ZNF644: variants seen among roughly 807,000 people sequenced by gnomAD.
ZNF644 encodes zinc finger motif enhancer binding protein 2.
ZNF644 carries 20 observed loss-of-function variants against 108.0 expected under a neutral mutation model. That is an observed-to-expected ratio of 0.19 (90% CI 0.13 to 0.27). The LOEUF is 0.27. Ranked by LOEUF, ZNF644 falls within the 10% of genes least tolerant of loss-of-function variation. The pLI, the probability that ZNF644 is intolerant of heterozygous loss-of-function variation, is 1.00. For missense variants in ZNF644, 1,338 were observed against 1,548.9 expected (o/e 0.86, Z 2.29); for synonymous variants, 542 against 539.1 (o/e 1.01, Z -0.08).
chr1:90,965,129 T>C (rs571729413), intron 2 of ZNF644, among the ~76,000 whole-genome samples: 1 of 152,288 alleles, frequency 6.6e-6, no homozygotes, highest in South Asian at 2.1e-4. Context: ...GAAAAAGCTA[T>C]ACTGGATCTG....
intron 1 of ZNF644, among the ~76,000 whole-genome samples, chr1:91,017,621 T>C (rs1660541044): frequency 6.6e-6 from 1 of 152,214 alleles, no homozygotes; most frequent in Non-Finnish European, 1.5e-5. Flanking sequence ...AATAAAAATA[T>C]ACTAACTTTC....
At chr1:90,977,510 C>T (rs1036544404) in intron 2 of ZNF644, among the ~76,000 whole-genome samples, 5 of 152,150 alleles carry the variant, frequency 3.3e-5, no homozygotes, top group Non-Finnish European at 5.9e-5. Context: ...ATATTTCAAA[C>T]CTTTGAGCAC....
intron 1 of ZNF644, among the ~76,000 whole-genome samples, chr1:91,012,672 C>T (rs1461230193): frequency 6.6e-6 from 1 of 152,084 alleles, no homozygotes; most frequent in Non-Finnish European, 1.5e-5. Flanking sequence ...GCTCTAATCA[C>T]GGAAAATGCT....
intron 2 of ZNF644, among the ~76,000 whole-genome samples, chr1:90,971,926 T>A (rs538391168): frequency 2.6e-5 from 4 of 152,270 alleles, no homozygotes; most frequent in Non-Finnish European, 4.4e-5. Context: ...TATATTCTTA[T>A]ATTATTCCGT....
intron 1 of ZNF644, among the ~76,000 whole-genome samples, chr1:90,983,806 A>G (rs910434232): frequency 1.3e-5 from 2 of 152,208 alleles, no homozygotes; most frequent in East Asian, 1.9e-4. Flanking sequence ...ACGCGCCCGT[A>G]GTCCCAACTA....
chr1:90,981,099 T>C (rs554500687), intron 2 of ZNF644, among the ~76,000 whole-genome samples: 8 of 152,240 alleles, frequency 5.3e-5, no homozygotes, highest in African/African-American at 1.7e-4. Flanking sequence ...ACACTGTATA[T>C]TCAACTAGAA....
intron 1 of ZNF644, 39 bp downstream of exon 1, chr1:91,021,951 G>A (rs1660979296): frequency 5.0e-6 from 2 of 398,728 alleles, no homozygotes; most frequent in African/African-American, 2.1e-5. Context: ...AACCCACTCG[G>A]GTCCCAGCGA....
chr1:90,994,965 T>TA (rs1055292517), intron 1 of ZNF644, among the ~76,000 whole-genome samples: 1 of 151,626 alleles, frequency 6.6e-6, no homozygotes, highest in Non-Finnish European at 1.5e-5. Context: ...CTATCTACCT[T>TA]AAAAAAAAGA....
chr1:90,960,285 A>G (rs960014062), intron 2 of ZNF644, among the ~76,000 whole-genome samples: 1 of 152,182 alleles, frequency 6.6e-6, no homozygotes, highest in Admixed American at 6.6e-5. Flanking sequence ...GGTAAGAAGG[A>G]AAAAGAAATT....
rs1651448924 is a variant in ZNF644 at position 90,937,486 on chromosome 1, T to G, written c.3687A>C (p.Ser1229=). ...GCATAGTCATAAACGTCCTCTTACC[T>G]GAGTGCATAGTCAAGTCCATTTTTT... ...QPQKMDLTMH[S]ALDCKQKKSR... Residue 1229 remains serine, a splice_region_variant and synonymous_variant, in exon 4 of 6, where the codon TCA becomes TCC. Transcript: ENST00000337393. 1 of 1,613,732 alleles carries G rather than the reference T, an allele frequency of 6.2e-7. No homozygotes were observed. The highest frequency in any genetic ancestry group is 8.5e-7 in the Non-Finnish European group (1 of 1,179,658).
In ZNF644 at chr1:90,972,050, C is replaced by T. The variant is rs553380820; in HGVS notation, c.44+10260G>A. On this transcript the variant is annotated intron_variant, in intron 2 of 5. Coordinates refer to ENST00000337393, the MANE Select transcript of ZNF644 (RefSeq NM_201269.3). ...CATGACAATCACTTGAATCCAGAGG[C>T]AGAGGTTGCAGTGAACCAAGTCATT... 2.6e-5 allele frequency among the ~76,000 whole-genome samples: 4 copies of T among 152,210 alleles called. No homozygotes were observed. The East Asian group carries it at 5.8e-4, about 22-fold the overall frequency.
rs1040984575 is a variant in ZNF644 at position 90,915,717 on chromosome 1, C to T, written c.*1081G>A. 4 of 152,630 alleles carry T rather than the reference C, an allele frequency of 2.6e-5. No homozygotes were observed. The highest frequency in any genetic ancestry group is 3.4e-3 in the Middle Eastern group (1 of 294). The allele number at this position is 152,630 out of a possible 1,614,324, so 9.5% of individuals were successfully genotyped here. ...CATGAGCATAGTGTTACACGATTTT[C>T]GTACATATAATCACATCCAAAACAA... On this transcript the variant is annotated 3_prime_UTR_variant, in exon 6 of 6. Coordinates refer to ENST00000337393, the MANE Select transcript of ZNF644 (RefSeq NM_201269.3).
intron 2 of ZNF644, among the ~76,000 whole-genome samples, chr1:90,977,757 G>A (rs1010542236): frequency 3.3e-5 from 5 of 152,058 alleles, no homozygotes; most frequent in Non-Finnish European, 7.4e-5. Flanking sequence ...ACACACTCCC[G>A]TTAATACCAT....
In ZNF644 at chr1:90,938,579, T is replaced by C. The variant is rs533149444; in HGVS notation, c.2775A>G (p.Gly925=). Residue 925 remains glycine, a synonymous_variant, in exon 3 of 6, where the codon GGA becomes GGG. Coordinates refer to ENST00000337393, the MANE Select transcript of ZNF644 (RefSeq NM_201269.3). The surrounding 1 kb of genome is among the most constrained non-coding windows in gnomAD (Gnocchi z 4.2). ...GFYFEYYEDT[G]SNNFLHEIHD... ...GTATCTCATGCAAAAAGTTGTTACT[T>C]CCAGTATCTTCATAGTATTCAAAAT... is the stretch of plus-strand genomic sequence containing the variant. The C allele has an allele frequency of 6.2e-7, 1 of 1,613,870 alleles. No homozygotes were observed. Among genetic ancestry groups the C allele is most frequent in the African/African-American group, 1.3e-5 (1 of 75,020 alleles).
chr1:90,987,266 TTA>T (rs1491232606), intron 1 of ZNF644, among the ~76,000 whole-genome samples: 24 of 128,564 alleles, frequency 1.9e-4, no homozygotes, highest in African/African-American at 4.5e-4. Flanking sequence ...TTTTTTTTTT[TTA>T]AAAAAAGATC....
chr1:90,982,411 T>C, intron 1 of ZNF644, 41 bp from the exon 2 acceptor site: 6 of 1,474,794 alleles, frequency 4.1e-6, no homozygotes, highest in Non-Finnish European at 2.8e-6. Context: ...TAATTTTTTG[T>C]TTCAGGCATG....
At chr1:90,961,566 G>C (rs1216025182) in intron 2 of ZNF644, among the ~76,000 whole-genome samples, 2 of 152,080 alleles carry the variant, frequency 1.3e-5, no homozygotes, top group East Asian at 3.8e-4. Flanking sequence ...CTGAACTGAA[G>C]CAAGTATAAG....
At chr1:91,006,395 C>A (rs1171842141) in intron 1 of ZNF644, among the ~76,000 whole-genome samples, 1 of 152,242 alleles carries the variant, frequency 6.6e-6, no homozygotes, top group South Asian at 2.1e-4. Flanking sequence ...GGCAACAGAG[C>A]AAGACTCTGT....
intron 2 of ZNF644, among the ~76,000 whole-genome samples, chr1:90,974,315 CA>C (rs1002600522): frequency 6.6e-5 from 10 of 151,858 alleles, no homozygotes; most frequent in Admixed American, 5.3e-4. Flanking sequence ...AGGGATACAG[CA>C]AGACTCTTGT....
Sources: allele counts gnomAD v4.1 joint callset (sites outside exome capture counted in the v4.1 genomes callset), GRCh38; gene constraint gnomAD v4.1.1; non-coding constraint Gnocchi (gnomAD v3.1); transcripts MANE v1.5; gene names NCBI Gene and HGNC (gene_info 2026-07-23, HGNC 2026-07-21).